Variants in PROM1 observed in about 807,000 individuals in gnomAD.
PROM1 encodes the protein prominin 1.
In PROM1, 105 loss-of-function variants were observed where a neutral mutation model predicts 116.9. That is an observed-to-expected ratio of 0.90 (90% CI 0.77 to 1.06). The LOEUF is 1.06. PROM1 is among the 50% of genes least tolerant of loss of function. The pLI is 0.00. For synonymous variants in PROM1, 393 were observed against 387.0 expected, an observed-to-expected ratio of 1.02 and a Z score of -0.18; for missense variants, 1,122 against 1,045.2, an observed-to-expected ratio of 1.07 and a Z score of -1.01.
At chr4:15,972,886 C>A (rs1161567780) in intron 26 of PROM1, among the ~76,000 whole-genome samples, 1 of 152,190 alleles carries the variant, frequency 6.6e-6, no homozygotes, top group Admixed American at 6.5e-5. Flanking sequence ...CACAACACAA[C>A]AGGGCTCTGA....
In PROM1 at chr4:15,985,520, G is replaced by C. The variant is rs117040393; in HGVS notation, c.2280+240C>G. ...CTGGCCCCTTTGTTACCTGAAAAAG[G>C]GGGTGGGAAGCAAATGGAAGAACTG... On this transcript the variant is annotated intron_variant, in intron 22 of 27. Coordinates refer to ENST00000447510, the MANE Select transcript of PROM1 (RefSeq NM_006017.3). The C allele has an allele frequency of 6.4e-3, 3,061 of 476,296 alleles. 118 individuals are homozygous for C. In the East Asian group the frequency reaches 0.1, roughly 16 times the overall value. The allele number at this position is 476,296 out of a possible 1,614,324, so 29.5% of individuals were successfully genotyped here.
intron 2 of PROM1, among the ~76,000 whole-genome samples, chr4:16,068,902 T>C (rs1742169460): frequency 6.6e-6 from 1 of 152,080 alleles, no homozygotes; most frequent in Non-Finnish European, 1.5e-5. Context: ...ACCTAAAATA[T>C]TTTTACAAAT....
chr4:16,078,513 T>G (rs889413033), intron 1 of PROM1, among the ~76,000 whole-genome samples: 1 of 152,242 alleles, frequency 6.6e-6, no homozygotes, highest in Non-Finnish European at 1.5e-5. Flanking sequence ...TGCGGTTTCA[T>G]GAGACTAGGC....
chr4:16,023,320 G>A lies in PROM1; in HGVS notation c.784+6C>T, dbSNP rs1730384903. The stretch of plus-strand genomic sequence containing the variant: ...CTTTCTTTGGTCATTTTTGCCCACT[G>A]CTTACCTGTTGCCATGGACTTAATC... On this transcript the variant is annotated splice_donor_region_variant and intron_variant, in intron 8 of 27. Coordinates refer to ENST00000447510, the MANE Select transcript of PROM1 (RefSeq NM_006017.3). The A allele has an allele frequency of 6.3e-7, 1 of 1,591,314 alleles. No homozygotes were observed. Among genetic ancestry groups the A allele is most frequent in the African/African-American group, 1.3e-5 (1 of 74,424 alleles).
At position 15,993,976 on chromosome 4, in the gene PROM1, G is replaced by A. The variant is rs1319521758; in HGVS notation, c.1767+11C>T. The stretch of plus-strand genomic sequence containing the variant: ...ATGTGTTATGTCGATTCCATGACGA[G>A]TTCTAATTACCTCATTAATGTTGAG... On this transcript the variant is annotated intron_variant, in intron 16 of 27. Coordinates refer to ENST00000447510, the MANE Select transcript of PROM1 (RefSeq NM_006017.3). 1 of 1,611,882 alleles carries A rather than the reference G, an allele frequency of 6.2e-7. No individual in the cohort carries two copies.
chr4:16,051,059 A>G (rs1475008230), intron 2 of PROM1, among the ~76,000 whole-genome samples: 1 of 152,108 alleles, frequency 6.6e-6, no homozygotes, highest in Non-Finnish European at 1.5e-5. Flanking sequence ...AGGTTGGGAG[A>G]GTTATGAGGA....
chr4:16,006,603 A>G lies in PROM1; in HGVS notation c.1389T>C (p.Tyr463=). The G allele has an allele frequency of 6.2e-7, 1 of 1,609,544 alleles. No homozygotes were observed. The change falls in exon 13 of 28, where the codon TAT becomes TAC. Residue 463 remains tyrosine (Y), a synonymous_variant. Transcript: ENST00000447510. The part of the protein sequence containing the change: ...YLGLLCGVCG[Y]DRHATPTTRG... Reference sequence around the variant, plus strand: ...GGGTGGTCGGGGTGGCATGCCTGTCATAGCCGCACACGCCACACAGTAAGC... The same window carrying G: ...GGGTGGTCGGGGTGGCATGCCTGTCGTAGCCGCACACGCCACACAGTAAGC...
At chr4:15,996,909 G>T (rs1722462504) in intron 15 of PROM1, among the ~76,000 whole-genome samples, 1 of 152,150 alleles carries the variant, frequency 6.6e-6, no homozygotes, top group Non-Finnish European at 1.5e-5. Context: ...CTCAATGTGA[G>T]TCACTATCGC....
intron 2 of PROM1, among the ~76,000 whole-genome samples, chr4:16,065,473 T>C (rs913719220): frequency 6.6e-5 from 10 of 152,124 alleles, no homozygotes; most frequent in African/African-American, 2.4e-4. Context: ...TGAACACTAT[T>C]CATACCTCAT....
chr4:16,025,298 T>G lies in PROM1; in HGVS notation c.524A>C (p.Tyr175Ser), dbSNP rs144688616. 2.5e-6 allele frequency: 4 copies of G among 1,613,898 alleles called. No homozygotes were observed. The highest frequency in any genetic ancestry group is 1.7e-4 in the Middle Eastern group (1 of 6,060). Residue 175 changes from tyrosine (Y) to serine (S), a missense_variant, in exon 6 of 28, where the codon TAT (tyrosine) becomes TCT (serine). Tyr to Ser is a moderately radical substitution (Grantham distance 144). Transcript: ENST00000447510. ...TACCTGGTGATTTGCCACAAAACCA[T>G]AGAAGATGCCAATGCTGCAGGAAAA... ...ICIIISIGIF[Y>S]GFVANHQVRT... is the part of the protein sequence containing the mutation.
intron 6 of PROM1, among the ~76,000 whole-genome samples, chr4:16,024,779 C>T (rs1001171630): frequency 2.0e-5 from 3 of 152,208 alleles, no homozygotes; most frequent in Admixed American, 1.3e-4. Flanking sequence ...TCTATGCAGA[C>T]ATTAGCAAAT....
chr4:16,033,531 C>T, intron 4 of PROM1, 22 bp from the exon 5 acceptor site: 2 of 1,530,842 alleles, frequency 1.3e-6, no homozygotes, highest in South Asian at 2.4e-5. Context: ...ACAAAAGAAA[C>T]AGCACATATT....
intron 2 of PROM1, among the ~76,000 whole-genome samples, chr4:16,060,557 T>G (rs1349483767): frequency 6.6e-6 from 1 of 151,930 alleles, no homozygotes; most frequent in African/African-American, 2.4e-5. Context: ...CTCAAATAAT[T>G]CCTTTTGAAA....
At chr4:16,040,089 C>T (rs1217357929) in intron 2 of PROM1, among the ~76,000 whole-genome samples, 6 of 152,128 alleles carry the variant, frequency 3.9e-5, no homozygotes, top group South Asian at 2.1e-4. Flanking sequence ...ATATCCATCA[C>T]GCCTGAAATG....
intron 22 of PROM1, among the ~76,000 whole-genome samples, chr4:15,985,278 A>G (rs895174701): frequency 1.3e-5 from 2 of 152,152 alleles, no homozygotes; most frequent in African/African-American, 4.8e-5. Flanking sequence ...GGACTTGAGC[A>G]CCCAAGGATT....
intron 2 of PROM1, among the ~76,000 whole-genome samples, chr4:16,043,480 C>T (rs1204002098): frequency 6.6e-6 from 1 of 152,086 alleles, no homozygotes; most frequent in African/African-American, 2.4e-5. Flanking sequence ...TTGGCTTTTT[C>T]CGGGGAGAAA....
intron 2 of PROM1, among the ~76,000 whole-genome samples, chr4:16,070,534 G>A (rs1742571220): frequency 1.3e-5 from 2 of 152,166 alleles, no homozygotes; most frequent in South Asian, 4.1e-4. Flanking sequence ...GGACTGGTCT[G>A]TTGGGGCCAG....
intron 17 of PROM1, among the ~76,000 whole-genome samples, chr4:15,991,568 G>A (rs189887181): frequency 2.7e-5 from 4 of 149,748 alleles, no homozygotes; most frequent in Non-Finnish European, 5.9e-5. Flanking sequence ...AAAGAAGCCA[G>A]ACACAAAAGA....
intron 2 of PROM1, among the ~76,000 whole-genome samples, chr4:16,051,212 G>C (rs141407541): frequency 2.6e-5 from 4 of 152,350 alleles, no homozygotes; most frequent in African/African-American, 7.2e-5. Flanking sequence ...AACATGACAG[G>C]CTGAAGGAAA....
Sources: gnomAD v4.1 joint callset for allele counts (sites outside exome capture counted in the v4.1 genomes callset) on GRCh38, gnomAD v4.1.1 for gene constraint, MANE v1.5 for transcripts, NCBI Gene and HGNC (gene_info 2026-07-23, HGNC 2026-07-21) for gene names.